Variants in INSL6 observed in about 807,000 individuals in gnomAD.
INSL6 encodes insulin-like peptide INSL6.
Under a neutral mutation model 9.4 loss-of-function variants are expected in INSL6, and 16 were observed. The observed-to-expected ratio is 1.70, with a 90% CI of 1.15 to 2.59. The LOEUF is 2.59. INSL6 is among the 30% of genes most tolerant of loss of function. The pLI is 0.00. For missense variants in INSL6, 391 were observed against 257.3 expected (o/e 1.52, Z -3.56); for synonymous variants, 154 against 96.9 (o/e 1.59, Z -3.46).
the INSL6 span, among the ~76,000 whole-genome samples, chr9:5,070,836 A>G: frequency 6.6e-6 from 1 of 152,132 alleles, no homozygotes; most frequent in Non-Finnish European, 1.5e-5. Context: ...ATGATCAGCC[A>G]CATTTATCAA....
At chr9:5,051,198 C>G in the INSL6 span, among the ~76,000 whole-genome samples, 1 of 152,080 alleles carries the variant, frequency 6.6e-6, no homozygotes, top group Admixed American at 6.6e-5. Context: ...GGGAGTAAAA[C>G]ACACTTTGTA....
the INSL6 span, among the ~76,000 whole-genome samples, chr9:5,115,463 G>C: frequency 2.6e-5 from 4 of 152,158 alleles, no homozygotes; most frequent in Admixed American, 2.6e-4. Flanking sequence ...ATTGTTGATG[G>C]GAGTGTAAAT....
intron 1 of INSL6, among the ~76,000 whole-genome samples, chr9:5,181,994 G>T (rs1220626993): frequency 6.6e-6 from 1 of 152,152 alleles, no homozygotes; most frequent in East Asian, 1.9e-4. Context: ...TAGTCACTCT[G>T]AAGAGCAATC....
intron 1 of INSL6, among the ~76,000 whole-genome samples, chr9:5,183,743 G>C (rs975549384): frequency 2.6e-5 from 4 of 151,834 alleles, no homozygotes; most frequent in Admixed American, 2.6e-4. Context: ...TGCACTCCTG[G>C]GAGAAAAGAA....
chr9:5,151,640 A>C (rs1413118719), intron 2 of INSL6, among the ~76,000 whole-genome samples: 1 of 152,194 alleles, frequency 6.6e-6, no homozygotes, highest in Non-Finnish European at 1.5e-5. Context: ...CAATCACCAA[A>C]AACGAAAGTT....
intron 2 of INSL6, among the ~76,000 whole-genome samples, chr9:5,150,812 C>G (rs1824696153): frequency 6.6e-6 from 1 of 151,194 alleles, no homozygotes; most frequent in South Asian, 2.1e-4. Flanking sequence ...GGAAATCAAC[C>G]TAAGTATCCA....
the INSL6 span, among the ~76,000 whole-genome samples, chr9:5,058,032 T>G: frequency 6.6e-6 from 1 of 152,202 alleles, no homozygotes; most frequent in Non-Finnish European, 1.5e-5. Context: ...TTCCTTCATT[T>G]TTAATATATG....
At chr9:5,113,817 G>C in the INSL6 span, 1 of 174,266 alleles carries the variant, frequency 5.7e-6, no homozygotes. Flanking sequence ...CACACACTCT[G>C]TGGTCCGCAG....
intron 2 of INSL6, among the ~76,000 whole-genome samples, chr9:5,137,069 A>T (rs529818260): frequency 6.6e-6 from 1 of 152,222 alleles, no homozygotes; most frequent in African/African-American, 2.4e-5. Flanking sequence ...AGGGATGTGA[A>T]GGACCTCTTC....
chr9:5,070,808 G>T, the INSL6 span, among the ~76,000 whole-genome samples: 7 of 152,060 alleles, frequency 4.6e-5, no homozygotes, highest in Non-Finnish European at 8.8e-5. Context: ...TAATCTGGCA[G>T]TCAGGTGGTG....
chr9:5,097,124 G>C, the INSL6 span: 286 of 152,118 alleles, frequency 1.9e-3, 1 homozygote, highest in African/African-American at 6.6e-3. Context: ...CACTTGGCAG[G>C]TATTCTATTT....
At chr9:5,024,986 C>T in the INSL6 span, among the ~76,000 whole-genome samples, 3 of 152,068 alleles carry the variant, frequency 2.0e-5, no homozygotes, top group Admixed American at 6.5e-5. Context: ...AGGACATGGG[C>T]GTAGTGGGTG....
the INSL6 span, among the ~76,000 whole-genome samples, chr9:4,998,449 G>T: frequency 6.6e-6 from 1 of 152,086 alleles, no homozygotes; most frequent in Non-Finnish European, 1.5e-5. Context: ...TAGAGACGGG[G>T]TTTCACCATG....
the INSL6 span, chr9:5,108,521 T>G: frequency 1.3e-5 from 2 of 152,136 alleles, no homozygotes; most frequent in African/African-American, 4.8e-5. Flanking sequence ...TAGCATGTAT[T>G]ATGGCCTTTA....
the INSL6 span, among the ~76,000 whole-genome samples, chr9:5,031,249 G>A: frequency 2.0e-5 from 3 of 152,174 alleles, no homozygotes; most frequent in African/African-American, 7.2e-5. Context: ...AGATAGCCAT[G>A]AGAAAGAAGA....
At chr9:5,118,440 A>G in the INSL6 span, among the ~76,000 whole-genome samples, 4 of 152,214 alleles carry the variant, frequency 2.6e-5, no homozygotes, top group African/African-American at 9.6e-5. Flanking sequence ...ACTTGTAACT[A>G]TTCACATTTT....
the INSL6 span, among the ~76,000 whole-genome samples, chr9:5,092,588 C>A: frequency 2.6e-5 from 4 of 152,098 alleles, no homozygotes; most frequent in Non-Finnish European, 5.9e-5. Flanking sequence ...ACAATAGATA[C>A]AGTACCGTAA....
intron 3 of INSL6, among the ~76,000 whole-genome samples, chr9:5,129,329 G>A (rs1170027706): frequency 3.3e-5 from 5 of 151,932 alleles, no homozygotes; most frequent in Admixed American, 6.6e-5. Flanking sequence ...CCAAGGAAAC[G>A]GGCCACACAC....
At chr9:5,135,725 G>A (rs1322834032) in intron 2 of INSL6, among the ~76,000 whole-genome samples, 1 of 151,930 alleles carries the variant, frequency 6.6e-6, no homozygotes, top group East Asian at 1.9e-4. Context: ...AGAGAAACAA[G>A]AGCAAACAAA....
Sources: allele counts gnomAD v4.1 joint callset (sites outside exome capture counted in the v4.1 genomes callset), GRCh38; gene constraint gnomAD v4.1.1; transcripts MANE v1.5; gene names NCBI Gene and HGNC (gene_info 2026-07-23, HGNC 2026-07-21).